ARHGAP20: variants seen among roughly 807,000 people sequenced by gnomAD.
ARHGAP20 encodes rho GTPase-activating protein 20.
A neutral mutation model predicts 73.7 loss-of-function variants in ARHGAP20; 34 were observed. The observed-to-expected ratio is 0.46, with a 90% CI of 0.35 to 0.61. The LOEUF is 0.61. Among genes scored for constraint, ARHGAP20 ranks in the 20% least tolerant of loss-of-function variants. The probability of loss-of-function intolerance (pLI) is 0.00; values close to 1 mark genes in which losing one functional copy is unlikely to be tolerated. For missense variants in ARHGAP20, 1,314 were observed against 1,420.9 expected (o/e 0.92, Z 1.21); for synonymous variants, 523 against 518.2 (o/e 1.01, Z -0.13).
intron 2 of ARHGAP20, among the ~76,000 whole-genome samples, chr11:110,665,326 T>C (rs1306061644): frequency 1.3e-5 from 2 of 151,938 alleles, no homozygotes; most frequent in Non-Finnish European, 2.9e-5. Flanking sequence ...CCAAAATACA[T>C]GCAAAGAAGG....
intron 4 of ARHGAP20, among the ~76,000 whole-genome samples, chr11:110,616,555 T>C (rs1948487204): frequency 6.6e-6 from 1 of 152,198 alleles, no homozygotes; most frequent in Non-Finnish European, 1.5e-5. Context: ...CTAATCTTTT[T>C]AGAGATGTTG....
chr11:110,686,877 T>C (rs1199959080), intron 2 of ARHGAP20, among the ~76,000 whole-genome samples: 1 of 151,812 alleles, frequency 6.6e-6, no homozygotes, highest in African/African-American at 2.4e-5. Context: ...ACAAATATTT[T>C]GCATACCTTC....
chr11:110,577,367 A>G lies in ARHGAP20; in HGVS notation c.*2003T>C. The G allele has an allele frequency of 8.2e-7, 1 of 1,217,010 alleles. No homozygotes were observed. Among genetic ancestry groups the G allele is most frequent in the South Asian group, 3.7e-5 (1 of 27,290 alleles). The allele number at this position is 1,217,010 out of a possible 1,614,324, so 75.4% of individuals were successfully genotyped here. Reference sequence around the variant, plus strand: ...AACTATTCACATTAAGAATTACAGGAGTATCTAAGGGAACACAGATAGTAG... The same window carrying G: ...AACTATTCACATTAAGAATTACAGGGGTATCTAAGGGAACACAGATAGTAG... On this transcript the variant is annotated 3_prime_UTR_variant, in exon 15 of 15. Coordinates refer to ENST00000683387, the MANE Select transcript of ARHGAP20 (RefSeq NM_001384657.1).
chr11:110,706,801 T>C (rs919516132), intron 1 of ARHGAP20, among the ~76,000 whole-genome samples: 2 of 152,150 alleles, frequency 1.3e-5, no homozygotes, highest in Non-Finnish European at 2.9e-5. Context: ...AATCTAATTT[T>C]ATTTTTATAA....
At position 110,631,813 on chromosome 11, in the gene ARHGAP20, A is replaced by G. The variant is rs190093979; in HGVS notation, c.189-1021T>C. Among the ~76,000 whole-genome samples, 5 of 152,212 alleles carry G rather than the reference A, an allele frequency of 3.3e-5. No homozygotes were observed. The East Asian group carries it at 7.7e-4, about 24-fold the overall frequency. Reference sequence around the variant, plus strand: ...TCCTGTACAGTATGTTAAATCTTTGATCAGATCCCAAATACCTCAAACTCC... The same window carrying G: ...TCCTGTACAGTATGTTAAATCTTTGGTCAGATCCCAAATACCTCAAACTCC... On this transcript the variant is annotated intron_variant, in intron 2 of 14. Coordinates refer to ENST00000683387, the MANE Select transcript of ARHGAP20 (RefSeq NM_001384657.1).
chr11:110,645,833 G>A (rs1034795696), intron 2 of ARHGAP20, among the ~76,000 whole-genome samples: 4 of 152,274 alleles, frequency 2.6e-5, no homozygotes, highest in Admixed American at 6.5e-5. Flanking sequence ...GGATGCAGCC[G>A]GAGGCCATTA....
In ARHGAP20 at chr11:110,579,693, A is replaced by G; in HGVS notation, c.3253T>C (p.Ser1085Pro). The G allele has an allele frequency of 6.2e-7, 1 of 1,614,176 alleles. No individual in the cohort carries two copies. Among genetic ancestry groups the G allele is most frequent in the Non-Finnish European group, 8.5e-7 (1 of 1,180,022 alleles). ...AAGTCTTTTTGTTCCTCTTGCAGTG[A>G]GTTGGCTTCTGGAACACCAGAAGCA... ...PHASGVPEAN[S>P]LQEEQKDLPL... Residue 1085 changes from serine to proline, a missense_variant, in exon 15 of 15, where the codon TCA (serine) becomes CCA (proline). Coordinates refer to ENST00000683387, the MANE Select transcript of ARHGAP20 (RefSeq NM_001384657.1).
At chr11:110,702,357 A>C (rs899447928) in intron 1 of ARHGAP20, among the ~76,000 whole-genome samples, 9 of 152,198 alleles carry the variant, frequency 5.9e-5, no homozygotes, top group Non-Finnish European at 1.2e-4. Flanking sequence ...AAAAACTCTC[A>C]ATAAATTAGG....
At chr11:110,650,565 C>G (rs1033570341) in intron 2 of ARHGAP20, among the ~76,000 whole-genome samples, 1 of 152,036 alleles carries the variant, frequency 6.6e-6, no homozygotes, top group African/African-American at 2.4e-5. Context: ...CATTCTCTAC[C>G]TTTATGTCTG....
chr11:110,625,328 T>C (rs9787895), intron 3 of ARHGAP20, among the ~76,000 whole-genome samples: 50,980 of 151,294 alleles, frequency 0.34, 9,098 homozygotes, highest in African/African-American at 0.45. Context: ...TGAGCCACCG[T>C]GCCCAGCCAG....
At chr11:110,657,818 C>T (rs1231327497) in intron 2 of ARHGAP20, among the ~76,000 whole-genome samples, 1 of 151,766 alleles carries the variant, frequency 6.6e-6, no homozygotes, top group East Asian at 1.9e-4. Context: ...TTGCTTGAAC[C>T]CAGGAAGCGG....
intron 1 of ARHGAP20, 143 bp from the exon 2 acceptor site, chr11:110,690,772 A>C: frequency 1.1e-6 from 1 of 894,528 alleles, no homozygotes; most frequent in Non-Finnish European, 1.7e-6. Flanking sequence ...TGGAGATAAA[A>C]CTGTAACATC....
chr11:110,667,432 A>G (rs2135058824), intron 2 of ARHGAP20, among the ~76,000 whole-genome samples: 1 of 152,330 alleles, frequency 6.6e-6, no homozygotes, highest in South Asian at 2.1e-4. Flanking sequence ...TTTTAAGTCC[A>G]TTGTTAAGAC....
At chr11:110,589,779 G>C in intron 11 of ARHGAP20, 1 of 894,768 alleles carries the variant, frequency 1.1e-6, no homozygotes. Flanking sequence ...TGTGGTAAAA[G>C]TAAAGGAAAA....
chr11:110,702,063 C>T lies in ARHGAP20; in HGVS notation c.105+10064G>A, dbSNP rs543582748. ...TTGGCTTAGGATTGACTTGGCGATG[C>T]GGGCTCTTTTTTGGTTCCATATGAA... On this transcript the variant is annotated intron_variant, in intron 1 of 14. Coordinates refer to ENST00000683387, the MANE Select transcript of ARHGAP20 (RefSeq NM_001384657.1). Among the ~76,000 whole-genome samples the T allele has an allele frequency of 6.3e-3, 957 of 152,062 alleles. 2 individuals are homozygous for T. Among genetic ancestry groups the T allele is most frequent in the African/African-American group, 0.011 (462 of 41,498 alleles).
intron 3 of ARHGAP20, among the ~76,000 whole-genome samples, chr11:110,628,247 G>A (rs1948787282): frequency 6.6e-6 from 1 of 152,154 alleles, no homozygotes. Flanking sequence ...CTATGGCTCA[G>A]TAAGAGACTT....
At chr11:110,691,050 A>G in intron 1 of ARHGAP20, 2 of 1,472,232 alleles carry the variant, frequency 1.4e-6, no homozygotes, top group Non-Finnish European at 1.8e-6. Flanking sequence ...CTTCAAGAAA[A>G]GACAAGTAAA....
chr11:110,584,908 T>TATATATGAATATATGTGAATATATATGA (rs148560625), intron 12 of ARHGAP20, among the ~76,000 whole-genome samples: 9 of 148,838 alleles, frequency 6.0e-5, no homozygotes, highest in Admixed American at 4.7e-4. Context: ...TATATGTGAA[T>TATATATGAATATATGTGAATATATATGA]ATATATATGA....
chr11:110,646,904 G>A (rs1949205548), intron 2 of ARHGAP20, among the ~76,000 whole-genome samples: 1 of 152,056 alleles, frequency 6.6e-6, no homozygotes, highest in Admixed American at 6.6e-5. Flanking sequence ...ATGGTGAATA[G>A]ACTGGAAGAA....
Sources: gnomAD v4.1 joint callset for allele counts (sites outside exome capture counted in the v4.1 genomes callset) on GRCh38, gnomAD v4.1.1 for gene constraint, MANE v1.5 for transcripts, NCBI Gene and HGNC (gene_info 2026-07-23, HGNC 2026-07-21) for gene names.